The following BTG4 variants were observed in gnomAD, a reference collection of about 807,000 sequenced individuals.
The protein encoded by BTG4 is protein BTG4.
A neutral mutation model predicts 19.3 loss-of-function variants in BTG4; 10 were observed. The ratio of observed to expected loss-of-function variants is 0.52; its 90% CI spans 0.32 to 0.88. The LOEUF (loss-of-function observed/expected upper bound fraction) is 0.88. BTG4 is among the 40% of genes least tolerant of loss of function. The pLI is 0.04. For synonymous variants in BTG4, 91 were observed against 95.7 expected (o/e 0.95, Z 0.29); for missense variants, 238 against 281.9 (o/e 0.84, Z 1.11).
At chr11:111,413,446 T>C in the BTG4 span, among the ~76,000 whole-genome samples, 1 of 152,278 alleles carries the variant, frequency 6.6e-6, no homozygotes, top group African/African-American at 2.4e-5. Flanking sequence ...CAGTAGACTC[T>C]GAACACACAC....
the BTG4 span, among the ~76,000 whole-genome samples, chr11:111,407,075 C>T: frequency 6.6e-6 from 1 of 151,698 alleles, no homozygotes; most frequent in African/African-American, 2.4e-5. Context: ...AAAACAGTGT[C>T]TGGCACATGG....
intron 5 of BTG4, among the ~76,000 whole-genome samples, chr11:111,487,286 G>A (rs1248615298): frequency 2.6e-5 from 4 of 152,240 alleles, no homozygotes; most frequent in Non-Finnish European, 5.9e-5. Flanking sequence ...AAACATACAC[G>A]TGAATGTATC....
chr11:111,432,154 A>G, the BTG4 span, among the ~76,000 whole-genome samples: 16 of 152,190 alleles, frequency 1.1e-4, no homozygotes, highest in African/African-American at 3.9e-4. Context: ...GAGAGAAAGG[A>G]GAAAGCACAG....
At chr11:111,412,271 G>A in the BTG4 span, among the ~76,000 whole-genome samples, 1 of 152,212 alleles carries the variant, frequency 6.6e-6, no homozygotes, top group East Asian at 1.9e-4. Flanking sequence ...AGGCACAGAG[G>A]TGGGTAGGAC....
upstream of BTG4, chr11:111,513,107 C>T: frequency 2.3e-6 from 1 of 425,926 alleles, no homozygotes; most frequent in Non-Finnish European, 5.1e-6. Context: ...AGCGCGGCGT[C>T]GGCGTGGGTC....
the BTG4 span, among the ~76,000 whole-genome samples, chr11:111,445,011 GA>G: frequency 4.6e-5 from 7 of 152,230 alleles, no homozygotes; most frequent in Admixed American, 2.0e-4. Flanking sequence ...AAAGACAATA[GA>G]TATTGGTGAG....
chr11:111,456,548 G>C, the BTG4 span: 1 of 456,508 alleles, frequency 2.2e-6, no homozygotes, highest in Non-Finnish European at 4.4e-6. The surrounding 1 kb of genome is among the most constrained non-coding windows in gnomAD (Gnocchi z 4.2). Context: ...GATGACATCA[G>C]TGTGAACCCC....
the BTG4 span, chr11:111,385,933 G>A: frequency 6.6e-6 from 1 of 152,204 alleles, no homozygotes; most frequent in Non-Finnish European, 1.5e-5. Flanking sequence ...GGAGGCCAAG[G>A]TGGGAGGATC....
chr11:111,427,054 G>T, the BTG4 span, among the ~76,000 whole-genome samples: 1 of 152,236 alleles, frequency 6.6e-6, no homozygotes, highest in Non-Finnish European at 1.5e-5. Context: ...CTCAGTGACA[G>T]AGTTTCTTCA....
At chr11:111,405,759 G>A in the BTG4 span, among the ~76,000 whole-genome samples, 1 of 152,172 alleles carries the variant, frequency 6.6e-6, no homozygotes, top group Admixed American at 6.5e-5. Context: ...TTCAAATGTC[G>A]ACTATGCTAC....
intron 5 of BTG4, among the ~76,000 whole-genome samples, chr11:111,487,716 A>C (rs1412098302): frequency 1.3e-5 from 2 of 152,132 alleles, no homozygotes; most frequent in South Asian, 2.1e-4. Flanking sequence ...AAACCTAAAG[A>C]CTCCACACCA....
chr11:111,448,611 C>T, the BTG4 span: 1 of 152,738 alleles, frequency 6.5e-6, no homozygotes, highest in Non-Finnish European at 1.5e-5. Flanking sequence ...AGAGGCCACC[C>T]AGCCAGAGAA....
the BTG4 span, among the ~76,000 whole-genome samples, chr11:111,386,760 TA>T: frequency 1.3e-5 from 2 of 152,222 alleles, no homozygotes. Flanking sequence ...GTAAAAAGGG[TA>T]ATCCACAGGT....
chr11:111,442,714 A>G, the BTG4 span, among the ~76,000 whole-genome samples: 7 of 152,164 alleles, frequency 4.6e-5, no homozygotes, highest in African/African-American at 1.7e-4. Context: ...ACAGGGAAAA[A>G]AAAAAACTCT....
At position 111,495,097 on chromosome 11, in the gene BTG4, C is replaced by A. The variant is rs1031167793; in HGVS notation, c.*38G>T. 4.0e-6 allele frequency: 6 copies of A among 1,495,808 alleles called. No individual in the cohort carries two copies. In the African/African-American group the frequency reaches 8.5e-5, roughly 21 times the overall value. 92.7% of individuals were successfully genotyped at this position (1,495,808 alleles called of 1,614,324 possible). On this transcript the variant is annotated 3_prime_UTR_variant, in exon 5 of 5. Transcript: ENST00000692032. The stretch of plus-strand genomic sequence containing the variant: ...TTATTTTAGAGAGAATAAAGGCACT[C>A]CTCTGAGCTCTTGCCCACCACGTGC...
chr11:111,423,413 G>C, the BTG4 span, among the ~76,000 whole-genome samples: 2 of 152,134 alleles, frequency 1.3e-5, no homozygotes, highest in Non-Finnish European at 2.9e-5. Flanking sequence ...CCCAGGACAG[G>C]CCCTTAGCCC....
At chr11:111,510,283 TA>T (rs1866791733) in intron 1 of BTG4, among the ~76,000 whole-genome samples, 1 of 152,180 alleles carries the variant, frequency 6.6e-6, no homozygotes, top group Non-Finnish European at 1.5e-5. Context: ...TAAGTCAATA[TA>T]AATGTGCCAA....
the BTG4 span, chr11:111,449,422 G>C: frequency 2.0e-5 from 3 of 151,946 alleles, no homozygotes; most frequent in Non-Finnish European, 2.9e-5. Flanking sequence ...GGAGCTGCAA[G>C]GACGGAGCCA....
At chr11:111,436,499 G>A in the BTG4 span, among the ~76,000 whole-genome samples, 1,014 of 152,144 alleles carry the variant, frequency 6.7e-3, 13 homozygotes, top group African/African-American at 0.022. Flanking sequence ...GGTAGTGGGC[G>A]CCTGTAATTC....
Sources: allele counts gnomAD v4.1 joint callset (sites outside exome capture counted in the v4.1 genomes callset), GRCh38; gene constraint gnomAD v4.1.1; non-coding constraint Gnocchi (gnomAD v3.1); transcripts MANE v1.5; gene names NCBI Gene and HGNC (gene_info 2026-07-23, HGNC 2026-07-21).